The following DLST variants were observed in gnomAD, a reference collection of about 807,000 sequenced individuals.
The protein encoded by DLST is dihydrolipoyllysine-residue succinyltransferase component of 2-oxoglutarate dehydrogenase complex, mitochondrial.
A neutral mutation model predicts 53.1 loss-of-function variants in DLST; 17 were observed. The observed-to-expected ratio is 0.32, with a 90% CI of 0.22 to 0.48. The LOEUF is 0.48. Among genes scored for constraint, DLST ranks in the 20% least tolerant of loss-of-function variants. DLST has a pLI of 0.99. For missense variants in DLST, 512 were observed against 583.9 expected, an observed-to-expected ratio of 0.88 and a Z score of 1.27; for synonymous variants, 206 against 204.8, an observed-to-expected ratio of 1.01 and a Z score of -0.05.
chr14:74,898,784 G>A (rs1347781812), intron 11 of DLST, among the ~76,000 whole-genome samples: 2 of 152,162 alleles, frequency 1.3e-5, no homozygotes, highest in Non-Finnish European at 2.9e-5. Flanking sequence ...GCTGTCTCCT[G>A]TCAAGGTGGA....
intron 13 of DLST, 101 bp downstream of exon 13, chr14:74,900,473 C>T (rs1156625977): frequency 1.4e-5 from 14 of 1,010,458 alleles, no homozygotes; most frequent in African/African-American, 8.0e-5. Flanking sequence ...AAGTCAAGTG[C>T]ATAGCCCCTG....
In DLST at chr14:74,898,519, A is replaced by T. The variant is rs768619211; in HGVS notation, c.901+20A>T. On this transcript the variant is annotated intron_variant, in intron 11 of 14. Transcript: ENST00000334220. ...ATGCAGGTGAGTTGCTTGTGGCTGG[A>T]ATTGGAGAGGTCCTGGGAGGTAGGT... 6.2e-7 allele frequency: 1 copy of T among 1,612,948 alleles called. No individual in the cohort carries two copies. Among genetic ancestry groups the T allele is most frequent in the Non-Finnish European group, 8.5e-7 (1 of 1,179,466 alleles).
At chr14:74,886,216 T>C (rs2140187265) in intron 3 of DLST, among the ~76,000 whole-genome samples, 1 of 152,362 alleles carries the variant, frequency 6.6e-6, no homozygotes, top group South Asian at 2.1e-4. Flanking sequence ...AAGAGAATGC[T>C]CTCTAGTAAC....
At chr14:74,882,113 C>A in intron 1 of DLST, 97 bp downstream of exon 1, 4 of 1,209,266 alleles carry the variant, frequency 3.3e-6, no homozygotes, top group Non-Finnish European at 4.3e-6. Context: ...CCGGCCGGGC[C>A]GGGCACCAAG....
intron 14 of DLST, among the ~76,000 whole-genome samples, chr14:74,901,751 C>T (rs1884251603): frequency 6.6e-6 from 1 of 152,204 alleles, no homozygotes; most frequent in Non-Finnish European, 1.5e-5. Context: ...GGGTTACTGA[C>T]TCCTGTGTGA....
rs1884336743 is a variant in DLST, at chr14:74,903,326, CG to C, written c.*1000del. 1 of 152,596 alleles carries C rather than the reference CG, an allele frequency of 6.6e-6. No homozygotes were observed. The allele number at this position is 152,596 out of a possible 1,614,324, so 9.5% of individuals were successfully genotyped here. A position where few individuals can be genotyped will look rare whatever the true frequency, so the allele number is the denominator to read the frequency against. Reference sequence around the variant, plus strand: ...GTTTTTGTTCCTTCCTGCGTTATAGCGGGGCCTTGTCTCTTCCTCTGCAGGA... The same window carrying C: ...GTTTTTGTTCCTTCCTGCGTTATAGCGGGCCTTGTCTCTTCCTCTGCAGGA... On this transcript the variant is annotated 3_prime_UTR_variant, in exon 15 of 15. Transcript: ENST00000334220.
At chr14:74,891,952 G>A (rs915194263) in intron 7 of DLST, 10 of 668,802 alleles carry the variant, frequency 1.5e-5, no homozygotes, top group African/African-American at 1.4e-4. Context: ...ACTAACCCTG[G>A]ATATAATGTC....
chr14:74,893,045 A>C, intron 8 of DLST, 59 bp downstream of exon 8: 1 of 1,550,642 alleles, frequency 6.4e-7, no homozygotes, highest in East Asian at 2.3e-5. Flanking sequence ...ATGTTCCTTC[A>C]AAGGGTAAAC....
At chr14:74,888,861 T>G (rs1201972564) in intron 3 of DLST, among the ~76,000 whole-genome samples, 1 of 152,142 alleles carries the variant, frequency 6.6e-6, no homozygotes, top group African/African-American at 2.4e-5. Context: ...CTTGGGGAGC[T>G]CACCATTTAA....
chr14:74,889,275 A>T lies in DLST; in HGVS notation c.200A>T (p.Lys67Met), dbSNP rs201737883. The T allele has an allele frequency of 6.2e-7, 1 of 1,612,580 alleles. No individual in the cohort carries two copies. ...ATTTTCTTTTTTGCATTTTTCCTAG[A>T]GGATGACTTGGTTACAGTCAAAACC... is the stretch of plus-strand genomic sequence containing the variant. ...VRFFRTTAVC[K>M]DDLVTVKTPA... is the part of the protein sequence containing the mutation. The change falls in exon 5 of 15, where the codon AAG becomes ATG. Residue 67 changes from lysine to methionine, a missense_variant and splice_region_variant. Transcript: ENST00000334220.
chr14:74,885,666 C>G, intron 3 of DLST, 32 bp downstream of exon 3: 1 of 1,570,264 alleles, frequency 6.4e-7, no homozygotes, highest in Non-Finnish European at 8.6e-7. Context: ...AGATATGTGG[C>G]CACGGGTTAT....
At chr14:74,885,560 G>A (rs1883673286) in intron 2 of DLST, 26 bp from the exon 3 acceptor site, 1 of 1,613,518 alleles carries the variant, frequency 6.2e-7, no homozygotes, top group Non-Finnish European at 8.5e-7. Context: ...AGAGTTGTTG[G>A]TTAAGAGTTA....
At chr14:74,890,679 A>AT (rs2140192462) in intron 6 of DLST, among the ~76,000 whole-genome samples, 1 of 152,182 alleles carries the variant, frequency 6.6e-6, no homozygotes, top group Admixed American at 6.5e-5. Context: ...GGCCTTATAT[A>AT]TTGTGTTGCA....
chr14:74,885,795 T>C, intron 3 of DLST, 161 bp downstream of exon 3: 2 of 651,652 alleles, frequency 3.1e-6, no homozygotes, highest in Non-Finnish European at 2.6e-6. Flanking sequence ...ACTTTTCCCA[T>C]GTGATGTTCC....
rs575805326 is a variant in DLST at position 74,903,005 on chromosome 14, A to T, written c.*675A>T. 6.5e-6 allele frequency: 1 copy of T among 152,764 alleles called. No individual in the cohort carries two copies. Among genetic ancestry groups the T allele is most frequent in the East Asian group, 1.9e-4 (1 of 5,192 alleles). 9.5% of individuals were successfully genotyped at this position (152,764 alleles called of 1,614,324 possible). A position where few individuals can be genotyped will look rare whatever the true frequency, so the allele number is the denominator to read the frequency against. ...TGTAATCATCATAGAAGGAGAGCCC[A>T]GGCCTGCCCTCACGCTCTCCATCAT... On this transcript the variant is annotated 3_prime_UTR_variant, in exon 15 of 15. Coordinates refer to ENST00000334220, the MANE Select transcript of DLST (RefSeq NM_001933.5).
At chr14:74,889,610 A>G (rs1423081998) in intron 5 of DLST, 4 of 537,910 alleles carry the variant, frequency 7.4e-6, no homozygotes, top group Non-Finnish European at 1.3e-5. Context: ...ACCTCAGGTG[A>G]TCTGCCCACC....
At chr14:74,885,276 G>T (rs775557648) in intron 2 of DLST, among the ~76,000 whole-genome samples, 3 of 152,152 alleles carry the variant, frequency 2.0e-5, no homozygotes, top group Non-Finnish European at 4.4e-5. Flanking sequence ...AAAACATACA[G>T]GAATAATGAA....
chr14:74,893,285 G>C, intron 8 of DLST, 63 bp from the exon 9 acceptor site: 4 of 1,580,308 alleles, frequency 2.5e-6, no homozygotes, highest in Admixed American at 1.7e-5. Context: ...GAAAGCACTG[G>C]CACAAACTCA....
At position 74,900,205 on chromosome 14, in the gene DLST, A is replaced by T. The variant is rs1884198220; in HGVS notation, c.976-84A>T. On this transcript the variant is annotated intron_variant, in intron 12 of 14. Transcript: ENST00000334220. ...GTAATGAAGGTATTCTAGGGAGGGCATACCATGGGTTGAATCAAGGGAGTT... is the reference window on the plus strand; with the variant it reads ...GTAATGAAGGTATTCTAGGGAGGGCTTACCATGGGTTGAATCAAGGGAGTT... 2.3e-6 allele frequency: 3 copies of T among 1,304,560 alleles called. No homozygotes were observed. In the Admixed American group the frequency reaches 5.1e-5, roughly 22 times the overall value. The allele number at this position is 1,304,560 out of a possible 1,614,324, so 80.8% of individuals were successfully genotyped here.
Sources: allele counts gnomAD v4.1 joint callset (sites outside exome capture counted in the v4.1 genomes callset), GRCh38; gene constraint gnomAD v4.1.1; transcripts MANE v1.5; gene names NCBI Gene and HGNC (gene_info 2026-07-23, HGNC 2026-07-21).